Variants in CNTNAP2 observed in about 807,000 individuals in gnomAD.
CNTNAP2 encodes the protein contactin associated protein 2.
A neutral mutation model predicts 155.2 loss-of-function variants in CNTNAP2; 98 were observed. The ratio of observed to expected loss-of-function variants is 0.63; its 90% confidence interval spans 0.54 to 0.75. CNTNAP2 has a LOEUF of 0.75. Among genes scored for constraint, CNTNAP2 ranks in the 30% least tolerant of loss-of-function variants. The probability of loss-of-function intolerance (pLI) is 0.00; values close to 1 mark genes in which losing one functional copy is unlikely to be tolerated. For missense variants in CNTNAP2, 1,727 were observed against 1,688.1 expected, an observed-to-expected ratio of 1.02 and a Z score of -0.40; for synonymous variants, 651 against 631.2, an observed-to-expected ratio of 1.03 and a Z score of -0.47.
rs1563185585 is a variant in CNTNAP2 at position 148,062,002 on chromosome 7, GATAGATGAT to G, written c.2384-56114_2384-56106del. On this transcript the variant is annotated intron_variant, in intron 15 of 23. Transcript: ENST00000361727. Reference sequence around the variant, plus strand: ...AGATAGATAGATAGATAGATAGATAGATAGATGATAGAGAGAGAGAGAGAGAGTGTGTGT... The same window carrying G: ...AGATAGATAGATAGATAGATAGATAGAGAGAGAGAGAGAGAGAGTGTGTGT... Among the ~76,000 whole-genome samples, 409 of 84,914 alleles carry G rather than the reference GATAGATGAT, an allele frequency of 4.8e-3. 13 individuals carry two copies. Among genetic ancestry groups the G allele is most frequent in the African/African-American group, 0.02 (337 of 16,734 alleles). The allele number at this position is 84,914 out of a possible 152,430, so 55.7% of individuals were successfully genotyped here.
chr7:147,482,589 C>T (rs1293603660), intron 10 of CNTNAP2, among the ~76,000 whole-genome samples: 3 of 151,972 alleles, frequency 2.0e-5, no homozygotes, highest in South Asian at 2.1e-4. Context: ...GGCGTGGTGG[C>T]GGGTGCCTGT....
At chr7:147,529,552 G>A (rs899614407) in intron 11 of CNTNAP2, among the ~76,000 whole-genome samples, 6 of 151,104 alleles carry the variant, frequency 4.0e-5, no homozygotes, top group Non-Finnish European at 5.9e-5. Context: ...TTTTTTTTTG[G>A]TTTCTATTTT....
chr7:146,767,364 A>T (rs898428136), intron 1 of CNTNAP2, among the ~76,000 whole-genome samples: 1 of 152,098 alleles, frequency 6.6e-6, no homozygotes, highest in Admixed American at 6.5e-5. Context: ...GTGAAAAGGT[A>T]TGTTAAAGAC....
chr7:146,676,498 C>T (rs918463897), intron 1 of CNTNAP2, among the ~76,000 whole-genome samples: 42 of 151,002 alleles, frequency 2.8e-4, no homozygotes, highest in African/African-American at 9.0e-4. Context: ...AGTATATGTG[C>T]GGGTTTGTAA....
intron 12 of CNTNAP2, among the ~76,000 whole-genome samples, chr7:147,594,001 T>C (rs1032769165): frequency 6.6e-6 from 1 of 152,142 alleles, no homozygotes; most frequent in Non-Finnish European, 1.5e-5. Context: ...GCTTTGAAGA[T>C]GAAGAGACAG....
At chr7:146,453,672 T>C (rs1796514254) in intron 1 of CNTNAP2, among the ~76,000 whole-genome samples, 1 of 152,218 alleles carries the variant, frequency 6.6e-6, no homozygotes, top group South Asian at 2.1e-4. Context: ...TTTACTATTG[T>C]ATCCCATATA....
chr7:148,168,352 C>T (rs910368311), intron 17 of CNTNAP2, among the ~76,000 whole-genome samples: 19 of 152,064 alleles, frequency 1.2e-4, no homozygotes, highest in African/African-American at 4.3e-4. Context: ...GAAAATGTGG[C>T]ACATATACAC....
At chr7:146,663,651 C>T (rs951849147) in intron 1 of CNTNAP2, among the ~76,000 whole-genome samples, 3 of 152,066 alleles carry the variant, frequency 2.0e-5, no homozygotes, top group Admixed American at 2.0e-4. Flanking sequence ...CTTTTTCCCT[C>T]ATTTGATCAT....
rs1292344421 is a variant in CNTNAP2 at position 146,747,110 on chromosome 7, A to C, written c.98-27161A>C. ...CGTTACTTACATTTTTGAATGTGTT[A>C]AACTTTTAAGAAAACCTATTAAATG... On this transcript the variant is annotated intron_variant, in intron 1 of 23. Transcript: ENST00000361727. 2.6e-5 allele frequency among the ~76,000 whole-genome samples: 4 copies of C among 152,150 alleles called. No homozygotes were observed. The East Asian group carries it at 7.7e-4, about 29-fold the overall frequency.
chr7:147,365,383 G>GA (rs10557373), intron 9 of CNTNAP2, among the ~76,000 whole-genome samples: 9,514 of 93,228 alleles, frequency 0.1, 760 homozygotes, highest in Admixed American at 0.12. Context: ...ATCTCAAAAA[G>GA]AAAAAAAAAA....
chr7:147,968,098 T>C (rs1563152049), intron 14 of CNTNAP2, among the ~76,000 whole-genome samples: 1 of 152,206 alleles, frequency 6.6e-6, no homozygotes, highest in Non-Finnish European at 1.5e-5. Context: ...CCGGCCACTT[T>C]TATTTGAATC....
intron 9 of CNTNAP2, among the ~76,000 whole-genome samples, chr7:147,307,130 A>C: frequency 6.6e-6 from 1 of 152,204 alleles, no homozygotes; most frequent in Admixed American, 6.5e-5. Flanking sequence ...AAGTGTTCCC[A>C]GAGAGTTGTT....
chr7:148,240,407 G>T lies in CNTNAP2; in HGVS notation c.3381+10628G>T, dbSNP rs59934896. Among the ~76,000 whole-genome samples the T allele has an allele frequency of 8.2e-3, 1,238 of 151,888 alleles. 19 individuals carry two copies. The highest frequency in any genetic ancestry group is 0.028 in the African/African-American group (1,174 of 41,274). ...TTATCAACATGTAAATAATAAAAAGGGTATCCAGCAAAAGAGAATATTAGC... is the reference window on the plus strand; with the variant it reads ...TTATCAACATGTAAATAATAAAAAGTGTATCCAGCAAAAGAGAATATTAGC... On this transcript the variant is annotated intron_variant, in intron 20 of 23. Transcript: ENST00000361727.
intron 13 of CNTNAP2, among the ~76,000 whole-genome samples, chr7:147,887,014 G>T (rs572878325): frequency 6.6e-6 from 1 of 152,176 alleles, no homozygotes; most frequent in East Asian, 1.9e-4. Context: ...CTAATTTGTA[G>T]AATAGTTCCT....
chr7:148,175,554 G>A (rs886310453), intron 18 of CNTNAP2, among the ~76,000 whole-genome samples: 1 of 152,098 alleles, frequency 6.6e-6, no homozygotes, highest in Non-Finnish European at 1.5e-5. Flanking sequence ...TCCACAAGCA[G>A]CTGAAGAGAT....
chr7:147,241,188 T>C (rs1418829383), intron 8 of CNTNAP2, among the ~76,000 whole-genome samples: 1 of 152,322 alleles, frequency 6.6e-6, no homozygotes, highest in South Asian at 2.1e-4. Flanking sequence ...CTCTCTGTCA[T>C]GGAGGCAGCT....
intron 1 of CNTNAP2, among the ~76,000 whole-genome samples, chr7:146,482,757 A>G (rs1475764606): frequency 2.0e-5 from 3 of 151,838 alleles, no homozygotes; most frequent in Non-Finnish European, 4.4e-5. Context: ...AAAAATTGTC[A>G]TAATTTAAAC....
chr7:148,220,109 G>A (rs561337125), intron 19 of CNTNAP2, among the ~76,000 whole-genome samples: 9 of 152,244 alleles, frequency 5.9e-5, no homozygotes, highest in African/African-American at 9.6e-5. Context: ...ATAATGTTTC[G>A]TTTTGTTTTT....
chr7:147,928,869 T>C (rs1318142728), intron 14 of CNTNAP2, among the ~76,000 whole-genome samples: 2 of 151,980 alleles, frequency 1.3e-5, no homozygotes, highest in Non-Finnish European at 2.9e-5. Flanking sequence ...AGGGGGCAGA[T>C]CACCTGAGGT....
Sources: gnomAD v4.1 joint callset for allele counts (sites outside exome capture counted in the v4.1 genomes callset) on GRCh38, gnomAD v4.1.1 for gene constraint, MANE v1.5 for transcripts, NCBI Gene and HGNC (gene_info 2026-07-23, HGNC 2026-07-21) for gene names.